Variants in RBFOX1 observed in about 807,000 individuals in gnomAD.
RBFOX1 encodes RNA binding protein fox-1 homolog 1.
RBFOX1 carries 8 observed loss-of-function variants against 57.7 expected under a neutral mutation model. The ratio of observed to expected loss-of-function variants is 0.14; its 90% confidence interval spans 0.08 to 0.25. The LOEUF (loss-of-function observed/expected upper bound fraction) is 0.25. RBFOX1 is among the 10% of genes least tolerant of loss of function. The pLI is 1.00. For missense variants in RBFOX1, 611 were observed against 548.5 expected (o/e 1.11, Z -1.14); for synonymous variants, 326 against 222.4 (o/e 1.47, Z -4.15).
chr16:5,316,249 G>T (rs1339950497), intron 1 of RBFOX1, among the ~76,000 whole-genome samples: 1 of 152,212 alleles, frequency 6.6e-6, no homozygotes, highest in Non-Finnish European at 1.5e-5. Flanking sequence ...ACAGGCTAGG[G>T]AAAGATCTGT....
chr16:5,365,794 C>T, intron 1 of RBFOX1: 2 of 511,578 alleles, frequency 3.9e-6, no homozygotes, highest in Admixed American at 2.0e-5. Context: ...TGCTGCCACC[C>T]AATGGAAGAT....
At chr16:5,591,648 A>T (rs989383459) in intron 2 of RBFOX1, among the ~76,000 whole-genome samples, 1 of 152,208 alleles carries the variant, frequency 6.6e-6, no homozygotes, top group Non-Finnish European at 1.5e-5. Flanking sequence ...CAATGAACAG[A>T]TGTGGAGTAC....
chr16:7,501,118 T>C (rs1359194912), intron 4 of RBFOX1, among the ~76,000 whole-genome samples: 1 of 152,226 alleles, frequency 6.6e-6, no homozygotes, highest in Non-Finnish European at 1.5e-5. Flanking sequence ...AGATATGTCT[T>C]TACTTGCAGT....
intron 12 of RBFOX1, among the ~76,000 whole-genome samples, chr16:7,662,150 C>T (rs1487106709): frequency 6.6e-6 from 1 of 152,222 alleles, no homozygotes; most frequent in Non-Finnish European, 1.5e-5. Flanking sequence ...GGGATCAATT[C>T]TTCTCTCCGT....
chr16:6,793,696 G>A (rs1343863039), intron 3 of RBFOX1, among the ~76,000 whole-genome samples: 1 of 152,090 alleles, frequency 6.6e-6, no homozygotes, highest in African/African-American at 2.4e-5. Flanking sequence ...CAGTGCATTG[G>A]CCATCTTTTC....
intron 3 of RBFOX1, among the ~76,000 whole-genome samples, chr16:6,733,491 A>G (rs1434176573): frequency 6.6e-6 from 1 of 152,226 alleles, no homozygotes; most frequent in Non-Finnish European, 1.5e-5. Flanking sequence ...CAATAGCAGA[A>G]TTTGCTAGGT....
chr16:7,133,229 T>C (rs556793783), intron 4 of RBFOX1, among the ~76,000 whole-genome samples: 7 of 152,184 alleles, frequency 4.6e-5, no homozygotes, highest in Non-Finnish European at 8.8e-5. Context: ...AAAAAATTAT[T>C]TTCAATATAT....
intron 3 of RBFOX1, among the ~76,000 whole-genome samples, chr16:6,985,673 C>G (rs989864468): frequency 1.3e-5 from 2 of 151,742 alleles, no homozygotes; most frequent in East Asian, 3.9e-4. Context: ...ACAAAAAATA[C>G]AAAAAAGAAA....
At chr16:6,828,938 G>A (rs13333827) in intron 3 of RBFOX1, among the ~76,000 whole-genome samples, 6 of 151,952 alleles carry the variant, frequency 3.9e-5, no homozygotes, top group Non-Finnish European at 5.9e-5. Context: ...TCTTGAGTCC[G>A]CCTACACTCC....
At chr16:7,648,859 A>G (rs2064318710) in intron 11 of RBFOX1, among the ~76,000 whole-genome samples, 1 of 152,218 alleles carries the variant, frequency 6.6e-6, no homozygotes, top group South Asian at 2.1e-4. Context: ...CAAGTGCAAC[A>G]AACTTGGTCC....
chr16:6,588,297 A>G (rs754918015), intron 2 of RBFOX1, among the ~76,000 whole-genome samples: 7 of 151,842 alleles, frequency 4.6e-5, no homozygotes, highest in Non-Finnish European at 1.0e-4. Context: ...TTTAATGTAG[A>G]TACTAACTGG....
At chr16:5,465,755 C>T (rs1005081605) in intron 1 of RBFOX1, among the ~76,000 whole-genome samples, 1 of 152,194 alleles carries the variant, frequency 6.6e-6, no homozygotes, top group Non-Finnish European at 1.5e-5. Flanking sequence ...ACCAGGCATG[C>T]GTGGCCTCAT....
chr16:6,933,102 C>G (rs903864779), intron 3 of RBFOX1, among the ~76,000 whole-genome samples: 1 of 152,172 alleles, frequency 6.6e-6, no homozygotes, highest in South Asian at 2.1e-4. Flanking sequence ...GAATTACATT[C>G]CATTGTATGT....
chr16:6,516,176 G>T (rs931143890), intron 2 of RBFOX1, among the ~76,000 whole-genome samples: 8 of 152,126 alleles, frequency 5.3e-5, no homozygotes, highest in Non-Finnish European at 1.2e-4. Context: ...TTACAGGCAT[G>T]TGCCACCATG....
chr16:6,420,256 T>C (rs549127945), intron 2 of RBFOX1, among the ~76,000 whole-genome samples: 1 of 152,290 alleles, frequency 6.6e-6, no homozygotes, highest in South Asian at 2.1e-4. Context: ...TAATTTCTCA[T>C]ATATGTTAAA....
chr16:5,734,835 T>A (rs2052514702), intron 3 of RBFOX1, among the ~76,000 whole-genome samples: 1 of 152,006 alleles, frequency 6.6e-6, no homozygotes, highest in South Asian at 2.1e-4. Flanking sequence ...ATAAGGGTGT[T>A]TAAGAAAGGT....
intron 4 of RBFOX1, among the ~76,000 whole-genome samples, chr16:7,169,224 G>T (rs1238630955): frequency 6.6e-6 from 1 of 152,158 alleles, no homozygotes; most frequent in Admixed American, 6.5e-5. Flanking sequence ...GATGATAATG[G>T]TGACGATGAA....
Position 6,859,174 on chromosome 16 carries a change from T to C in RBFOX1, c.-15-192883T>C, listed in dbSNP as rs11859566. The stretch of plus-strand genomic sequence containing the variant: ...ATATGTATATATATACGTATATATA[T>C]GTATATATATGTATATATATATGTA... On this transcript the variant is annotated intron_variant, in intron 3 of 15. Coordinates refer to ENST00000550418, the MANE Select transcript of RBFOX1 (RefSeq NM_018723.4). 3.1e-3 allele frequency among the ~76,000 whole-genome samples: 200 copies of C among 64,980 alleles called. 1 individual carries two copies. Among genetic ancestry groups the C allele is most frequent in the African/African-American group, 0.015 (173 of 11,562 alleles). 42.6% of individuals were successfully genotyped at this position (64,980 alleles called of 152,430 possible). A position where few individuals can be genotyped will look rare whatever the true frequency, so the allele number is the denominator to read the frequency against.
chr16:5,657,632 CTTTCTTTCTTTCTTTCTTTCTTTTCT>C (rs1321040557), intron 3 of RBFOX1, among the ~76,000 whole-genome samples: 4 of 63,130 alleles, frequency 6.3e-5, no homozygotes, highest in Admixed American at 1.8e-4. Context: ...CTCTTTCTTT[CTTTCTTTCTTTCTTTCTTTCTTTTCT>C]TTTCTTTCTT....
Sources: allele counts gnomAD v4.1 joint callset (sites outside exome capture counted in the v4.1 genomes callset), GRCh38; gene constraint gnomAD v4.1.1; transcripts MANE v1.5; gene names NCBI Gene and HGNC (gene_info 2026-07-23, HGNC 2026-07-21).